The following PDE6B variants were observed in gnomAD, a reference collection of about 807,000 sequenced individuals.
PDE6B encodes the protein rod cGMP-specific 3',5'-cyclic phosphodiesterase subunit beta.
A neutral mutation model predicts 109.0 loss-of-function variants in PDE6B; 106 were observed. The ratio of observed to expected loss-of-function variants is 0.97; its 90% CI spans 0.83 to 1.14. The LOEUF (loss-of-function observed/expected upper bound fraction) is 1.14. PDE6B is among the 50% of genes most tolerant of loss of function. The pLI, the probability that PDE6B is intolerant of heterozygous loss-of-function variation, is 0.00. For missense variants in PDE6B, 1,193 were observed against 1,155.6 expected, an observed-to-expected ratio of 1.03 and a Z score of -0.47; for synonymous variants, 490 against 471.3, an observed-to-expected ratio of 1.04 and a Z score of -0.51.
chr4:658,291 C>A (rs1006858253), intron 10 of PDE6B, among the ~76,000 whole-genome samples: 1 of 137,690 alleles, frequency 7.3e-6, no homozygotes, highest in Admixed American at 7.4e-5. Flanking sequence ...GGGGGCAGGT[C>A]GTCCAGGGGT....
intron 3 of PDE6B, among the ~76,000 whole-genome samples, chr4:647,865 G>C (rs1735284310): frequency 6.6e-6 from 1 of 151,980 alleles, no homozygotes; most frequent in Admixed American, 6.5e-5. Context: ...CTGAGGTCAG[G>C]AGTTCGAGAC....
At chr4:656,371 C>A in intron 8 of PDE6B, 79 bp downstream of exon 8, 1 of 1,004,754 alleles carries the variant, frequency 1.0e-6, no homozygotes, top group South Asian at 1.3e-5. Context: ...GAAGTGAATT[C>A]GTTTTTGCCA....
At chr4:639,725 C>G (rs183219323) in intron 3 of PDE6B, among the ~76,000 whole-genome samples, 12 of 152,328 alleles carry the variant, frequency 7.9e-5, no homozygotes, top group African/African-American at 2.9e-4. Flanking sequence ...AATCCCAGCA[C>G]TTAGGGAGGC....
At chr4:642,827 A>G (rs1255804181) in intron 3 of PDE6B, among the ~76,000 whole-genome samples, 1 of 151,180 alleles carries the variant, frequency 6.6e-6, no homozygotes, top group Non-Finnish European at 1.5e-5. Flanking sequence ...CTAGTTTGCT[A>G]AGTGTTTTTA....
chr4:629,295 C>G (rs927560548), intron 1 of PDE6B, among the ~76,000 whole-genome samples: 1 of 152,244 alleles, frequency 6.6e-6, no homozygotes, highest in African/African-American at 2.4e-5. Context: ...CCAGCCCCCC[C>G]ATCACCCCTT....
At chr4:655,898 C>G (rs765243584) in intron 6 of PDE6B, 42 bp from the exon 7 acceptor site, 1 of 1,241,594 alleles carries the variant, frequency 8.1e-7, no homozygotes, top group South Asian at 1.2e-5. Context: ...CGCGCACATC[C>G]AGCCCGGCGT....
At position 668,014 on chromosome 4, in the gene PDE6B, T is replaced by C; in HGVS notation, c.2503+8T>C. The C allele has an allele frequency of 6.2e-7, 1 of 1,610,486 alleles. No individual in the cohort carries two copies. Among genetic ancestry groups the C allele is most frequent in the Non-Finnish European group, 8.5e-7 (1 of 1,178,950 alleles). ...GGGTGGCAGCCAAGAAAGGTCTGGC[T>C]CTGTGTGGCCTGTGGGGCAGGGACT... On this transcript the variant is annotated splice_region_variant and intron_variant, in intron 21 of 21. Transcript: ENST00000496514.
In PDE6B at chr4:654,171, G is replaced by A. The variant is rs758233787; in HGVS notation, c.927+17G>A. ...GATGGCCGGGTGAGTCTTAGGGGAGGGGCCCAGGGCCTGTCCACACGCCTC... is the reference window on the plus strand; with the variant it reads ...GATGGCCGGGTGAGTCTTAGGGGAGAGGCCCAGGGCCTGTCCACACGCCTC... On this transcript the variant is annotated intron_variant, in intron 5 of 21. Coordinates refer to ENST00000496514, the MANE Select transcript of PDE6B (RefSeq NM_000283.4). The A allele has an allele frequency of 8.1e-6, 13 of 1,604,356 alleles. No homozygotes were observed. The African/African-American group carries it at 1.6e-4, about 20-fold the overall frequency.
intron 3 of PDE6B, among the ~76,000 whole-genome samples, chr4:645,995 A>G (rs946091119): frequency 5.9e-5 from 9 of 152,064 alleles, no homozygotes; most frequent in Non-Finnish European, 1.0e-4. Flanking sequence ...TACTATTATT[A>G]CTTTGAACAA....
intron 1 of PDE6B, among the ~76,000 whole-genome samples, chr4:632,004 A>G (rs1337619933): frequency 6.7e-6 from 1 of 149,854 alleles, no homozygotes; most frequent in Non-Finnish European, 1.5e-5. Flanking sequence ...ATGTGGCACC[A>G]TCTGAGGGTC....
intron 3 of PDE6B, among the ~76,000 whole-genome samples, chr4:639,120 G>A (rs941205997): frequency 1.3e-5 from 2 of 151,890 alleles, no homozygotes; most frequent in Non-Finnish European, 2.9e-5. Context: ...CCGTGATTCT[G>A]GAGGGCAGTT....
rs1377828589 is a variant in PDE6B, at chr4:663,265, G to A, written c.1920+78G>A. On this transcript the variant is annotated intron_variant, in intron 15 of 21. Transcript: ENST00000496514. The surrounding 1 kb of genome is among the most constrained non-coding windows in gnomAD (Gnocchi z 4.0). The stretch of plus-strand genomic sequence containing the variant: ...GCAGGACGGCAGGGCCGTATCCTGC[G>A]GAGCAGGGTTCTGATGCAGCGGGTG... The A allele has an allele frequency of 3.5e-5, 30 of 859,658 alleles. No individual in the cohort carries two copies. Among genetic ancestry groups the A allele is most frequent in the Non-Finnish European group, 5.1e-5 (25 of 493,944 alleles). 53.3% of individuals were successfully genotyped at this position (859,658 alleles called of 1,614,324 possible).
Position 641,885 on chromosome 4 carries a change from G to T in PDE6B, c.711+5916G>T, listed in dbSNP as rs190161523. On this transcript the variant is annotated intron_variant, in intron 3 of 21. Transcript: ENST00000496514. ...TGGTCTTAAACTCCTGACCTCAGGTGATCTGCCCACATCAGCCTCCCAAAG... is the reference window on the plus strand; with the variant it reads ...TGGTCTTAAACTCCTGACCTCAGGTTATCTGCCCACATCAGCCTCCCAAAG... Among the ~76,000 whole-genome samples, 175 of 152,178 alleles carry T rather than the reference G, an allele frequency of 1.1e-3. 1 individual carries two copies. Among genetic ancestry groups the T allele is most frequent in the Middle Eastern group, 0.01 (3 of 294 alleles).
chr4:653,445 C>A, intron 3 of PDE6B: 2 of 752,330 alleles, frequency 2.7e-6, no homozygotes, highest in Non-Finnish European at 3.7e-6. Context: ...AGACGCTTGG[C>A]GGAGGCCACA....
chr4:660,400 G>T, intron 11 of PDE6B, 67 bp from the exon 12 acceptor site: 1 of 1,515,556 alleles, frequency 6.6e-7, no homozygotes, highest in African/African-American at 1.4e-5. Flanking sequence ...CTGGAGAGAA[G>T]AAAGGATGAG....
At chr4:641,059 C>G (rs1734923223) in intron 3 of PDE6B, among the ~76,000 whole-genome samples, 1 of 152,164 alleles carries the variant, frequency 6.6e-6, no homozygotes, top group African/African-American at 2.4e-5. Context: ...GTCAGTTTGT[C>G]AATATCCACA....
In PDE6B at chr4:663,874, C is replaced by T. The variant is rs1425171940; in HGVS notation, c.2021+4C>T. 1 of 1,598,018 alleles carries T rather than the reference C, an allele frequency of 6.3e-7. No individual in the cohort carries two copies. The highest frequency in any genetic ancestry group is 8.5e-7 in the Non-Finnish European group (1 of 1,170,694). ...CGGACCTGGCCCTGTACTTCAAGTGCGCGCCTTCCGGGAGGGGGCGCCTCG... is the reference window on the plus strand; with the variant it reads ...CGGACCTGGCCCTGTACTTCAAGTGTGCGCCTTCCGGGAGGGGGCGCCTCG... On this transcript the variant is annotated splice_donor_region_variant and intron_variant, in intron 16 of 21. Coordinates refer to ENST00000496514, the MANE Select transcript of PDE6B (RefSeq NM_000283.4). This position sits in a 1 kb window ranked among gnomAD's most constrained non-coding sequence, Gnocchi z 4.0.
In PDE6B at chr4:635,979, C is replaced by G; in HGVS notation, c.711+10C>G. 1 of 1,530,550 alleles carries G rather than the reference C, an allele frequency of 6.5e-7. No homozygotes were observed. The highest frequency in any genetic ancestry group is 9.1e-7 in the Non-Finnish European group (1 of 1,103,886). The allele number at this position is 1,530,550 out of a possible 1,614,324, so 94.8% of individuals were successfully genotyped here. A position where few individuals can be genotyped will look rare whatever the true frequency, so the allele number is the denominator to read the frequency against. ...GACGCGCCGCGGCCAGGTACCCACA[C>G]GCTGAGCACAGCTCTGCCCACGAGG... On this transcript the variant is annotated intron_variant, in intron 3 of 21. Coordinates refer to ENST00000496514, the MANE Select transcript of PDE6B (RefSeq NM_000283.4).
rs920559588 is a variant in PDE6B, at chr4:648,332, G to T, written c.712-5520G>T. 2.0e-5 allele frequency among the ~76,000 whole-genome samples: 3 copies of T among 152,066 alleles called. No homozygotes were observed. Among genetic ancestry groups the T allele is most frequent in the African/African-American group, 7.3e-5 (3 of 41,322 alleles). ...AAGCTGTTTCTGGGTCTTGCCCTCC[G>T]AACGGCATTTTTAGGCATCCTGACT... On this transcript the variant is annotated intron_variant, in intron 3 of 21. Coordinates refer to ENST00000496514, the MANE Select transcript of PDE6B (RefSeq NM_000283.4). This position sits in a 1 kb window ranked among gnomAD's most constrained non-coding sequence, Gnocchi z 4.5.
Sources: gnomAD v4.1 joint callset for allele counts (sites outside exome capture counted in the v4.1 genomes callset) on GRCh38, gnomAD v4.1.1 for gene constraint, Gnocchi (gnomAD v3.1) non-coding constraint, MANE v1.5 for transcripts, NCBI Gene and HGNC (gene_info 2026-07-23, HGNC 2026-07-21) for gene names.